GNA14: variants seen among roughly 807,000 people sequenced by gnomAD.
GNA14 encodes G protein subunit alpha 14.
In GNA14, 50 loss-of-function variants were observed where a neutral mutation model predicts 42.0. That is an observed-to-expected ratio of 1.19 (90% CI 0.95 to 1.51). The LOEUF (loss-of-function observed/expected upper bound fraction) is 1.51, where lower values mean the gene tolerates loss of function less well. Ranked by LOEUF, GNA14 falls within the 40% of genes most tolerant of loss-of-function variation. GNA14 has a pLI of 0.00. For synonymous variants in GNA14, 173 were observed against 163.1 expected (o/e 1.06, Z -0.46); for missense variants, 473 against 446.2 (o/e 1.06, Z -0.54).
rs1028412126 is a variant in GNA14 at position 77,434,440 on chromosome 9, A to G, written c.392T>C (p.Leu131Pro). 6.2e-7 allele frequency: 1 copy of G among 1,613,776 alleles called. No homozygotes were observed. The highest frequency in any genetic ancestry group is 1.3e-5 in the African/African-American group (1 of 74,880). Residue 131 changes from leucine (L) to proline (P), a missense_variant, in exon 3 of 7, where the codon CTC becomes CCC. Transcript: ENST00000341700. Reference protein sequence around the residue: ...SREQVEAIKQLWQDPGIQECY... With the variant: ...SREQVEAIKQPWQDPGIQECY... ...CTCCTGGATGCCTGGATCTTGCCAG[A>G]GCTGCTTGATGGCCTCCACCTGCTC...
chr9:77,446,233 T>C (rs1421468835), intron 2 of GNA14, among the ~76,000 whole-genome samples: 3 of 152,222 alleles, frequency 2.0e-5, no homozygotes, highest in African/African-American at 4.8e-5. Context: ...TCATTCTCTT[T>C]CTGGTGTTGG....
chr9:77,466,837 T>A (rs78414400), intron 2 of GNA14, among the ~76,000 whole-genome samples: 12,315 of 152,196 alleles, frequency 0.081, 520 homozygotes, highest in East Asian at 0.12. Context: ...AACTCTGTGA[T>A]GTCTATTTTC....
intron 2 of GNA14, among the ~76,000 whole-genome samples, chr9:77,464,339 G>A (rs1564022360): frequency 1.5e-5 from 2 of 133,246 alleles, no homozygotes; most frequent in Admixed American, 7.5e-5. Flanking sequence ...ATATGTGTGT[G>A]TGTGTGTGTA....
At chr9:77,513,216 T>G (rs141637002) in intron 2 of GNA14, among the ~76,000 whole-genome samples, 2 of 152,318 alleles carry the variant, frequency 1.3e-5, no homozygotes, top group East Asian at 3.9e-4. Flanking sequence ...GATCATTAAA[T>G]GATACCCTAA....
At chr9:77,495,008 C>G (rs1836848310) in intron 2 of GNA14, among the ~76,000 whole-genome samples, 1 of 152,110 alleles carries the variant, frequency 6.6e-6, no homozygotes, top group Non-Finnish European at 1.5e-5. Context: ...CCATGTTGGC[C>G]AGACTGGTCT....
intron 1 of GNA14, among the ~76,000 whole-genome samples, chr9:77,596,621 C>T (rs981425644): frequency 2.6e-5 from 4 of 151,904 alleles, no homozygotes; most frequent in Non-Finnish European, 5.9e-5. Flanking sequence ...GAGATTATAC[C>T]GATCCCAAAA....
At chr9:77,520,256 C>T (rs139852367) in intron 2 of GNA14, among the ~76,000 whole-genome samples, 1 of 152,102 alleles carries the variant, frequency 6.6e-6, no homozygotes, top group East Asian at 1.9e-4. Context: ...TCCAAAACAA[C>T]CCCAAAAGGG....
chr9:77,472,747 G>A (rs1364444816), intron 2 of GNA14, among the ~76,000 whole-genome samples: 2 of 151,540 alleles, frequency 1.3e-5, no homozygotes, highest in Admixed American at 6.6e-5. Context: ...GTGCCGTCAC[G>A]ATGGGATTAG....
intron 1 of GNA14, among the ~76,000 whole-genome samples, chr9:77,596,023 T>G (rs1456648194): frequency 1.3e-5 from 2 of 151,980 alleles, no homozygotes; most frequent in African/African-American, 4.8e-5. Context: ...GTATCTCCCC[T>G]GCAGGTCTAG....
intron 2 of GNA14, among the ~76,000 whole-genome samples, chr9:77,473,118 C>G (rs935269657): frequency 6.6e-6 from 1 of 152,022 alleles, no homozygotes; most frequent in African/African-American, 2.4e-5. Flanking sequence ...AAAAGAAGTA[C>G]AAAACTTGTA....
At chr9:77,489,312 T>C (rs1363641731) in intron 2 of GNA14, among the ~76,000 whole-genome samples, 5 of 152,142 alleles carry the variant, frequency 3.3e-5, no homozygotes, top group Non-Finnish European at 7.4e-5. Context: ...CTAAGAATTA[T>C]TGGTGTTCAA....
At chr9:77,551,916 G>T (rs1173076575) in intron 1 of GNA14, among the ~76,000 whole-genome samples, 1 of 151,936 alleles carries the variant, frequency 6.6e-6, no homozygotes, top group Non-Finnish European at 1.5e-5. Context: ...GAGTCAGGCG[G>T]ATCACCTGAG....
At chr9:77,437,782 A>G (rs557125882) in intron 2 of GNA14, among the ~76,000 whole-genome samples, 1 of 152,274 alleles carries the variant, frequency 6.6e-6, no homozygotes, top group Admixed American at 6.5e-5. Context: ...ACTACAATGA[A>G]CACAGATATG....
At chr9:77,525,617 C>A (rs1488958988) in intron 2 of GNA14, among the ~76,000 whole-genome samples, 2 of 151,164 alleles carry the variant, frequency 1.3e-5, no homozygotes, top group Non-Finnish European at 2.9e-5. Context: ...CCGCTCACTG[C>A]AAGCTCTGCC....
At position 77,609,012 on chromosome 9, in the gene GNA14, T is replaced by C. The variant is rs554789901; in HGVS notation, c.124+38658A>G. Among the ~76,000 whole-genome samples, 5 of 152,348 alleles carry C rather than the reference T, an allele frequency of 3.3e-5. No individual in the cohort carries two copies. The East Asian group carries it at 9.6e-4, about 29-fold the overall frequency. On this transcript the variant is annotated intron_variant, in intron 1 of 6. Transcript: ENST00000341700. The stretch of plus-strand genomic sequence containing the variant: ...GTTCTTTTCAGAATAATCTTTCTCA[T>C]TCTTTGCAATATGGATAGCCTAAGA...
At chr9:77,642,094 G>A (rs994406695) in intron 1 of GNA14, among the ~76,000 whole-genome samples, 2 of 152,204 alleles carry the variant, frequency 1.3e-5, no homozygotes, top group African/African-American at 4.8e-5. Flanking sequence ...CAGGATGATG[G>A]AAGTGTTTAT....
intron 1 of GNA14, among the ~76,000 whole-genome samples, chr9:77,588,517 G>T (rs1564060649): frequency 1.3e-5 from 2 of 152,190 alleles, no homozygotes; most frequent in Non-Finnish European, 2.9e-5. Flanking sequence ...AGATGCTTAG[G>T]AAGTGTCTGA....
intron 5 of GNA14, 62 bp from the exon 6 acceptor site, chr9:77,425,777 C>T (rs1458035307): frequency 1.1e-5 from 13 of 1,186,140 alleles, no homozygotes; most frequent in Admixed American, 6.2e-5. Flanking sequence ...AACAACATGG[C>T]GCATTGCCAG....
At chr9:77,636,314 C>G (rs1824183588) in intron 1 of GNA14, among the ~76,000 whole-genome samples, 1 of 151,920 alleles carries the variant, frequency 6.6e-6, no homozygotes, top group Non-Finnish European at 1.5e-5. Flanking sequence ...GGCTTTCAGG[C>G]AAAACAATAA....
Sources: allele counts gnomAD v4.1 joint callset (sites outside exome capture counted in the v4.1 genomes callset), GRCh38; gene constraint gnomAD v4.1.1; transcripts MANE v1.5; gene names NCBI Gene and HGNC (gene_info 2026-07-23, HGNC 2026-07-21).